The following CYP2C19 variants were observed in gnomAD, a reference collection of about 807,000 sequenced individuals.
CYP2C19 encodes cytochrome P450 family 2 subfamily C member 19, also known as cytochrome P450 2C19.
A neutral mutation model predicts 40.9 loss-of-function variants in CYP2C19; 59 were observed. The ratio of observed to expected loss-of-function variants is 1.44; its 90% CI spans 1.17 to 1.79. The LOEUF is 1.79. Ranked by LOEUF, CYP2C19 falls within the 40% of genes most tolerant of loss-of-function variation. CYP2C19 has a pLI of 0.00. For missense variants in CYP2C19, 754 were observed against 596.9 expected (o/e 1.26, Z -2.74); for synonymous variants, 253 against 208.7 (o/e 1.21, Z -1.83).
Position 94,849,926 on chromosome 10 carries a change from A to T in CYP2C19, c.1159A>T (p.Ile387Leu), listed in dbSNP as rs372873637. The part of the protein sequence containing the change: ...RNYLIPKGTT[I>L]LTSLTSVLHD... Reference sequence around the variant, plus strand: ...TGTCTCTTGTTTCTAGGGCACAACCATATTAACTTCCCTCACTTCTGTGCT... The same window carrying T: ...TGTCTCTTGTTTCTAGGGCACAACCTTATTAACTTCCCTCACTTCTGTGCT... The change falls in exon 8 of 9, where the codon ATA (isoleucine) becomes TTA (leucine). Residue 387 changes from isoleucine (I) to leucine (L), a missense_variant. Coordinates refer to ENST00000371321, the MANE Select transcript of CYP2C19 (RefSeq NM_000769.4). The T allele has an allele frequency of 7.4e-6, 12 of 1,613,546 alleles. No homozygotes were observed. The highest frequency in any genetic ancestry group is 1.0e-5 in the Non-Finnish European group (12 of 1,179,726).
chr10:94,770,155 A>G (rs10082434), intron 1 of CYP2C19, among the ~76,000 whole-genome samples: 150,088 of 152,114 alleles, frequency 0.99, 74,074 homozygotes, highest in East Asian at 1. Context: ...CATACCCAGG[A>G]CTCAGTGAGG....
At chr10:94,765,237 T>C (rs1848224106) in intron 1 of CYP2C19, among the ~76,000 whole-genome samples, 1 of 152,100 alleles carries the variant, frequency 6.6e-6, no homozygotes, top group Admixed American at 6.5e-5. Context: ...GGATATTAGT[T>C]GTATGGCTTT....
At chr10:94,796,832 C>A (rs1466449725) in intron 5 of CYP2C19, among the ~76,000 whole-genome samples, 1 of 152,088 alleles carries the variant, frequency 6.6e-6, no homozygotes, top group Non-Finnish European at 1.5e-5. Flanking sequence ...GAATTTTGTA[C>A]ATTGATTTTG....
At chr10:94,773,190 G>A (rs1848359875) in intron 1 of CYP2C19, among the ~76,000 whole-genome samples, 1 of 152,142 alleles carries the variant, frequency 6.6e-6, no homozygotes, top group Non-Finnish European at 1.5e-5. Context: ...TTACTGCTTG[G>A]CAATAGGCAA....
intron 6 of CYP2C19, among the ~76,000 whole-genome samples, chr10:94,826,754 C>A (rs1164668035): frequency 1.3e-5 from 2 of 152,168 alleles, no homozygotes; most frequent in Non-Finnish European, 2.9e-5. Context: ...AAAGGGAATG[C>A]TTCCAGTTTT....
At chr10:94,837,945 T>A (rs906875792) in intron 6 of CYP2C19, among the ~76,000 whole-genome samples, 2 of 152,190 alleles carry the variant, frequency 1.3e-5, no homozygotes, top group African/African-American at 2.4e-5. Context: ...CAATCTTTTT[T>A]AAAGTGTCCT....
At position 94,769,418 on chromosome 10, in the gene CYP2C19, G is replaced by C. The variant is rs557878969; in HGVS notation, c.169-5640G>C. ...AGGGATCCTCAAAGGCAAAGAGAAA[G>C]TGGGAGTCAGAGTGCAGGGGAATAC... is the stretch of plus-strand genomic sequence containing the variant. On this transcript the variant is annotated intron_variant, in intron 1 of 8. Transcript: ENST00000371321. 3.1e-3 allele frequency among the ~76,000 whole-genome samples: 475 copies of C among 152,282 alleles called. 3 individuals are homozygous for C. Among genetic ancestry groups the C allele is most frequent in the African/African-American group, 0.011 (452 of 41,568 alleles).
chr10:94,783,532 T>G (rs1423937787), intron 5 of CYP2C19, among the ~76,000 whole-genome samples: 1 of 152,170 alleles, frequency 6.6e-6, no homozygotes, highest in African/African-American at 2.4e-5. Context: ...GCACCATTTT[T>G]GAAGAGGCTA....
At chr10:94,779,948 T>C (rs1310760103) in intron 3 of CYP2C19, among the ~76,000 whole-genome samples, 1 of 152,222 alleles carries the variant, frequency 6.6e-6, no homozygotes, top group Non-Finnish European at 1.5e-5. Flanking sequence ...TAATCTATGT[T>C]AGACATTCTA....
At position 94,842,969 on chromosome 10, in the gene CYP2C19, G is replaced by A. The variant is rs1384476546; in HGVS notation, c.1094G>A (p.Ser365Asn). 6.2e-7 allele frequency: 1 copy of A among 1,614,182 alleles called. No individual in the cohort carries two copies. The highest frequency in any genetic ancestry group is 1.1e-5 in the South Asian group (1 of 91,080). The part of the protein sequence containing the change: ...VQRYIDLIPT[S>N]LPHAVTCDVK... ...AGATACATCGACCTCATCCCCACCAGCCTGCCCCATGCAGTGACCTGTGAC... is the reference window on the plus strand; with the variant it reads ...AGATACATCGACCTCATCCCCACCAACCTGCCCCATGCAGTGACCTGTGAC... The change falls in exon 7 of 9, where the codon AGC (serine) becomes AAC (asparagine). Residue 365 changes from serine (S) to asparagine (N), a missense_variant. Transcript: ENST00000371321.
At chr10:94,775,353 G>T in intron 2 of CYP2C19, 37 bp from the exon 3 acceptor site, 1 of 1,612,794 alleles carries the variant, frequency 6.2e-7, no homozygotes, top group South Asian at 1.1e-5. Flanking sequence ...TTTCTTGCCT[G>T]GGATCTCCCT....
intron 1 of CYP2C19, among the ~76,000 whole-genome samples, chr10:94,765,485 C>A (rs1243187961): frequency 6.6e-6 from 1 of 152,038 alleles, no homozygotes; most frequent in African/African-American, 2.4e-5. Context: ...AGAGTACTTG[C>A]CAAGGTAGCT....
intron 6 of CYP2C19, among the ~76,000 whole-genome samples, chr10:94,828,782 G>A (rs1221072933): frequency 6.6e-6 from 1 of 152,146 alleles, no homozygotes; most frequent in African/African-American, 2.4e-5. Context: ...ATTTTGGCAT[G>A]ATTTTGCAGC....
At chr10:94,793,339 T>C (rs566585861) in intron 5 of CYP2C19, among the ~76,000 whole-genome samples, 1 of 152,306 alleles carries the variant, frequency 6.6e-6, no homozygotes, top group East Asian at 1.9e-4. Context: ...TTACCGATCA[T>C]CTGAAGCCTT....
chr10:94,847,830 G>A (rs1292328438), intron 7 of CYP2C19, among the ~76,000 whole-genome samples: 1 of 152,202 alleles, frequency 6.6e-6, no homozygotes, highest in Non-Finnish European at 1.5e-5. Context: ...GATGGCCAGT[G>A]ATGATGAGCA....
intron 5 of CYP2C19, among the ~76,000 whole-genome samples, chr10:94,787,913 G>A (rs926543424): frequency 6.6e-6 from 1 of 152,090 alleles, no homozygotes; most frequent in Non-Finnish European, 1.5e-5. Context: ...AAATGACATT[G>A]GTAGTTTGAT....
Position 94,781,944 on chromosome 10 carries a change from G to A in CYP2C19, c.766G>A (p.Asp256Asn), listed in dbSNP as rs375781227. The A allele has an allele frequency of 6.6e-7, 1 of 1,514,700 alleles. No individual in the cohort carries two copies. The highest frequency in any genetic ancestry group is 2.7e-5 in the East Asian group (1 of 37,448). The allele number at this position is 1,514,700 out of a possible 1,614,324, so 93.8% of individuals were successfully genotyped here. The change falls in exon 5 of 9, where the codon GAC (aspartate) becomes AAC (asparagine). Residue 256 changes from aspartate (D) to asparagine (N), a missense_variant. Coordinates refer to ENST00000371321, the MANE Select transcript of CYP2C19 (RefSeq NM_000769.4). ...AGTAAAAGAACACCAAGAATCGATG[G>A]ACATCAACAACCCTCGGGACTTTAT... ...EKVKEHQESM[D>N]INNPRDFIDC... is the part of the protein sequence containing the mutation.
intron 5 of CYP2C19, among the ~76,000 whole-genome samples, chr10:94,798,563 A>C (rs1481115937): frequency 6.6e-6 from 1 of 152,020 alleles, no homozygotes; most frequent in Non-Finnish European, 1.5e-5. Flanking sequence ...CTTTTGTCTC[A>C]TTGATCTGTT....
At chr10:94,781,426 T>C (rs1848477384) in intron 4 of CYP2C19, among the ~76,000 whole-genome samples, 1 of 152,142 alleles carries the variant, frequency 6.6e-6, no homozygotes, top group Non-Finnish European at 1.5e-5. Flanking sequence ...GCAGGGACTA[T>C]CTTTGTAGTA....
Sources: allele counts gnomAD v4.1 joint callset (sites outside exome capture counted in the v4.1 genomes callset), GRCh38; gene constraint gnomAD v4.1.1; transcripts MANE v1.5; gene names NCBI Gene and HGNC (gene_info 2026-07-23, HGNC 2026-07-21).